Variants in ROR1 observed in about 807,000 individuals in gnomAD.
ROR1 encodes the protein inactive tyrosine-protein kinase transmembrane receptor ROR1.
In ROR1, 19 loss-of-function variants were observed where a neutral mutation model predicts 78.8. The ratio of observed to expected loss-of-function variants is 0.24; its 90% CI spans 0.17 to 0.35. The LOEUF is 0.35. Among genes scored for constraint, ROR1 ranks in the 10% least tolerant of loss-of-function variants. The probability of loss-of-function intolerance (pLI) is 1.00; values close to 1 mark genes in which losing one functional copy is unlikely to be tolerated. For missense variants in ROR1, 917 were observed against 1,177.8 expected, an observed-to-expected ratio of 0.78 and a Z score of 3.24; for synonymous variants, 386 against 433.6, an observed-to-expected ratio of 0.89 and a Z score of 1.36.
chr1:64,167,872 C>T (rs889734416), intron 8 of ROR1, among the ~76,000 whole-genome samples: 1 of 152,208 alleles, frequency 6.6e-6, no homozygotes, highest in South Asian at 2.1e-4. Context: ...GAGCATTTCA[C>T]TTTTGCATCA....
Position 63,917,303 on chromosome 1 carries a change from A to G in ROR1, c.92-92002A>G, listed in dbSNP as rs137991635. Among the ~76,000 whole-genome samples the G allele has an allele frequency of 3.8e-3, 574 of 152,330 alleles. 2 individuals carry two copies. Among genetic ancestry groups the G allele is most frequent in the Non-Finnish European group, 6.4e-3 (436 of 68,024 alleles). On this transcript the variant is annotated intron_variant, in intron 1 of 8. Coordinates refer to ENST00000371079, the MANE Select transcript of ROR1 (RefSeq NM_005012.4). ...TACTCAAAGGGTATTTGTTTAAGAA[A>G]TTAATTATTAAATGTATCACAGATA... is the stretch of plus-strand genomic sequence containing the variant.
intron 1 of ROR1, among the ~76,000 whole-genome samples, chr1:63,810,697 C>T (rs892059612): frequency 5.9e-5 from 9 of 152,244 alleles, no homozygotes; most frequent in South Asian, 4.1e-4. Flanking sequence ...GAGGTATCCA[C>T]GTATGCAAAG....
At chr1:63,847,695 A>G (rs1404101764) in intron 1 of ROR1, among the ~76,000 whole-genome samples, 1 of 152,246 alleles carries the variant, frequency 6.6e-6, no homozygotes, top group Non-Finnish European at 1.5e-5. Context: ...TATGTGAATT[A>G]AAGAAAACAA....
chr1:63,954,499 G>C (rs1645966153), intron 1 of ROR1, among the ~76,000 whole-genome samples: 1 of 152,186 alleles, frequency 6.6e-6, no homozygotes, highest in Admixed American at 6.5e-5. Flanking sequence ...GCCATAAGCA[G>C]TGTTAAATAA....
intron 2 of ROR1, among the ~76,000 whole-genome samples, chr1:64,025,524 C>CA (rs1279908258): frequency 1.3e-5 from 2 of 151,786 alleles, no homozygotes; most frequent in African/African-American, 2.4e-5. Flanking sequence ...TTTGCTGTTG[C>CA]AAAAAATGTG....
intron 1 of ROR1, among the ~76,000 whole-genome samples, chr1:63,903,397 A>T (rs1247574165): frequency 6.6e-6 from 1 of 151,594 alleles, no homozygotes; most frequent in Non-Finnish European, 1.5e-5. Context: ...TTTGAAATAT[A>T]GTTGGGTTCA....
intron 1 of ROR1, chr1:63,843,479 G>A (rs1425773203): frequency 1.3e-6 from 1 of 764,658 alleles, no homozygotes; most frequent in African/African-American, 1.7e-5. Context: ...TCCTGACAAA[G>A]GTGGTGTAGG....
intron 1 of ROR1, among the ~76,000 whole-genome samples, chr1:63,930,014 G>A (rs1444835306): frequency 6.6e-6 from 1 of 151,918 alleles, no homozygotes; most frequent in Admixed American, 6.6e-5. Context: ...TGTGCAGAAC[G>A]TGCAGGTTTG....
chr1:64,161,519 C>A (rs370432729), intron 8 of ROR1, among the ~76,000 whole-genome samples: 2 of 152,212 alleles, frequency 1.3e-5, no homozygotes, highest in African/African-American at 4.8e-5. Context: ...TAGCCCTAGC[C>A]CTGCCAGGGA....
At chr1:64,031,357 C>T (rs547837789) in intron 2 of ROR1, among the ~76,000 whole-genome samples, 5 of 152,326 alleles carry the variant, frequency 3.3e-5, no homozygotes, top group African/African-American at 9.6e-5. Context: ...GGTACTTAGC[C>T]TTGCTATCCT....
chr1:63,966,103 T>C (rs1269087816), intron 1 of ROR1, among the ~76,000 whole-genome samples: 1 of 152,184 alleles, frequency 6.6e-6, no homozygotes, highest in Non-Finnish European at 1.5e-5. Context: ...CCACTCATGG[T>C]TCGTTATCAT....
intron 2 of ROR1, among the ~76,000 whole-genome samples, chr1:64,022,735 A>G (rs1646574794): frequency 1.3e-5 from 2 of 152,192 alleles, no homozygotes; most frequent in African/African-American, 4.8e-5. Context: ...AATTGACTTG[A>G]ATATATGTCT....
chr1:64,132,631 A>C (rs1648954191), intron 4 of ROR1, among the ~76,000 whole-genome samples: 1 of 151,866 alleles, frequency 6.6e-6, no homozygotes, highest in East Asian at 1.9e-4. Context: ...ATGGTAGCAC[A>C]CGCCTCTAAT....
chr1:63,870,178 G>A (rs1159765651), intron 1 of ROR1, among the ~76,000 whole-genome samples: 4 of 151,934 alleles, frequency 2.6e-5, no homozygotes, highest in Admixed American at 2.6e-4. Flanking sequence ...GATACCATTG[G>A]GTGTTCTGTT....
At chr1:63,926,246 T>A (rs1236994145) in intron 1 of ROR1, among the ~76,000 whole-genome samples, 3 of 149,078 alleles carry the variant, frequency 2.0e-5, no homozygotes, top group Admixed American at 2.0e-4. Context: ...TAGCCAGTTT[T>A]CCCAGCACCA....
chr1:63,860,966 A>T (rs1385808553), intron 1 of ROR1, among the ~76,000 whole-genome samples: 1 of 152,136 alleles, frequency 6.6e-6, no homozygotes, highest in Non-Finnish European at 1.5e-5. Context: ...TTAGAAACAA[A>T]TTTGTCCTTC....
chr1:63,982,204 C>G (rs764244943), intron 1 of ROR1, among the ~76,000 whole-genome samples: 4 of 152,036 alleles, frequency 2.6e-5, no homozygotes, highest in African/African-American at 4.8e-5. Flanking sequence ...CATTGAGGAG[C>G]AGAGAACAGA....
At chr1:64,063,463 C>G (rs1439765270) in intron 4 of ROR1, among the ~76,000 whole-genome samples, 2 of 152,208 alleles carry the variant, frequency 1.3e-5, no homozygotes, top group African/African-American at 4.8e-5. Flanking sequence ...TAATCCCCTC[C>G]AACTTCTTCA....
intron 4 of ROR1, among the ~76,000 whole-genome samples, chr1:64,133,701 C>G (rs532803847): frequency 2.0e-4 from 30 of 152,350 alleles, no homozygotes; most frequent in African/African-American, 6.7e-4. Flanking sequence ...ATTCCATTTG[C>G]CCTTTCACAA....
Sources: allele counts gnomAD v4.1 joint callset (sites outside exome capture counted in the v4.1 genomes callset), GRCh38; gene constraint gnomAD v4.1.1; transcripts MANE v1.5; gene names NCBI Gene and HGNC (gene_info 2026-07-23, HGNC 2026-07-21).